Variants in PRKCE observed in about 807,000 individuals in gnomAD.
The protein encoded by PRKCE is protein kinase C epsilon, also known as protein kinase C epsilon type.
A neutral mutation model predicts 85.4 loss-of-function variants in PRKCE; 16 were observed. The observed-to-expected ratio is 0.19, with a 90% CI of 0.13 to 0.28. The LOEUF (loss-of-function observed/expected upper bound fraction) is 0.28, where lower values mean the gene tolerates loss of function less well. Among genes scored for constraint, PRKCE ranks in the 10% least tolerant of loss-of-function variants. The pLI, the probability that PRKCE is intolerant of heterozygous loss-of-function variation, is 1.00. For missense variants in PRKCE, 573 were observed against 975.2 expected, an observed-to-expected ratio of 0.59 and a Z score of 5.49; for synonymous variants, 388 against 371.5, an observed-to-expected ratio of 1.04 and a Z score of -0.51.
At chr2:45,864,207 CCCATTGG>C (rs1693398967) in intron 2 of PRKCE, among the ~76,000 whole-genome samples, 1 of 152,162 alleles carries the variant, frequency 6.6e-6, no homozygotes, top group South Asian at 2.1e-4. Context: ...CAACATCAGT[CCCATTGG>C]CCTAGGGGGC....
At chr2:46,071,385 G>A (rs1668070222) in intron 10 of PRKCE, among the ~76,000 whole-genome samples, 1 of 152,200 alleles carries the variant, frequency 6.6e-6, no homozygotes, top group Non-Finnish European at 1.5e-5. Context: ...TTTTTAAGGG[G>A]TAGGCAGCTA....
intron 11 of PRKCE, among the ~76,000 whole-genome samples, chr2:46,129,754 C>T (rs1674236319): frequency 6.6e-6 from 1 of 152,276 alleles, no homozygotes; most frequent in Non-Finnish European, 1.5e-5. Flanking sequence ...CAGCAAACTA[C>T]AGGGCCCAGG....
rs1677549044 is a variant in PRKCE at position 46,159,517 on chromosome 2, T to C, written c.1921-89T>C. 5.1e-6 allele frequency: 7 copies of C among 1,384,428 alleles called. No individual in the cohort carries two copies. The highest frequency in any genetic ancestry group is 2.6e-5 in the Admixed American group (1 of 38,066). The allele number at this position is 1,384,428 out of a possible 1,614,324, so 85.8% of individuals were successfully genotyped here. ...CAGACTTGGGAGGCGATGCTGAAGATGCTGCTTTGGCTGACCTCCATCTGT... is the reference window on the plus strand; with the variant it reads ...CAGACTTGGGAGGCGATGCTGAAGACGCTGCTTTGGCTGACCTCCATCTGT... On this transcript the variant is annotated intron_variant, in intron 13 of 14. Transcript: ENST00000306156. The surrounding 1 kb of genome is among the most constrained non-coding windows in gnomAD (Gnocchi z 4.1).
intron 2 of PRKCE, among the ~76,000 whole-genome samples, chr2:45,917,884 C>G (rs926486000): frequency 3.3e-5 from 5 of 150,018 alleles, no homozygotes; most frequent in African/African-American, 1.2e-4. Flanking sequence ...TGCTGGGGGA[C>G]CCAGTACACC....
intron 1 of PRKCE, among the ~76,000 whole-genome samples, chr2:45,829,844 C>T (rs1223715046): frequency 2.0e-5 from 3 of 151,742 alleles, no homozygotes; most frequent in South Asian, 2.1e-4. Flanking sequence ...GAGGCCGAGG[C>T]GGGCGGATCA....
At chr2:46,114,407 CTTTTTTTTTT>C (rs36107970) in intron 11 of PRKCE, among the ~76,000 whole-genome samples, 6 of 47,682 alleles carry the variant, frequency 1.3e-4, no homozygotes, top group South Asian at 1.3e-3. Context: ...GAGTCCAAGG[CTTTTTTTTTT>C]TTTTTTTTTT....
intron 11 of PRKCE, among the ~76,000 whole-genome samples, chr2:46,118,861 C>A (rs1054491027): frequency 6.6e-6 from 1 of 152,132 alleles, no homozygotes; most frequent in Non-Finnish European, 1.5e-5. Flanking sequence ...CTGGGAGCCT[C>A]CAAGAAAGCA....
intron 2 of PRKCE, among the ~76,000 whole-genome samples, chr2:45,929,831 G>A (rs1698903149): frequency 1.3e-5 from 2 of 151,140 alleles, no homozygotes; most frequent in African/African-American, 4.9e-5. Context: ...CCCTTTTAGT[G>A]CCATATTGTG....
intron 11 of PRKCE, among the ~76,000 whole-genome samples, chr2:46,133,242 G>C (rs1362776127): frequency 6.6e-6 from 1 of 152,192 alleles, no homozygotes; most frequent in Non-Finnish European, 1.5e-5. Context: ...AGCTGGAGTG[G>C]CCCTTTCTGT....
chr2:45,952,867 T>A (rs1022789944), intron 2 of PRKCE, among the ~76,000 whole-genome samples: 4 of 152,232 alleles, frequency 2.6e-5, no homozygotes, highest in Non-Finnish European at 5.9e-5. Context: ...GTGTCTCTTT[T>A]CAACGAGCTT....
chr2:46,005,691 G>A (rs780257898), intron 8 of PRKCE, among the ~76,000 whole-genome samples: 9 of 152,138 alleles, frequency 5.9e-5, no homozygotes, highest in Admixed American at 1.3e-4. Context: ...TTACCCAGGA[G>A]TAAATAAAAG....
chr2:45,742,246 T>C (rs1682641114), intron 1 of PRKCE, among the ~76,000 whole-genome samples: 1 of 151,838 alleles, frequency 6.6e-6, no homozygotes, highest in African/African-American at 2.4e-5. Flanking sequence ...GGAACTTACA[T>C]AACTCAATAG....
At chr2:45,968,727 TGAG>T (rs1360627727) in intron 2 of PRKCE, among the ~76,000 whole-genome samples, 1 of 152,154 alleles carries the variant, frequency 6.6e-6, no homozygotes, top group African/African-American at 2.4e-5. Context: ...TGACCCCACA[TGAG>T]GAGGGCGTTC....
chr2:45,955,077 GCAC>G (rs1700879518), intron 2 of PRKCE, among the ~76,000 whole-genome samples: 2 of 49,204 alleles, frequency 4.1e-5, no homozygotes, highest in Non-Finnish European at 9.4e-5. Context: ...ACTCCATCAC[GCAC>G]TCCATCAAGT....
At position 46,184,587 on chromosome 2, in the gene PRKCE, C is replaced by G; in HGVS notation, c.2068-148C>G. On this transcript the variant is annotated intron_variant, in intron 14 of 14. Transcript: ENST00000306156. This position sits in a 1 kb window ranked among gnomAD's most constrained non-coding sequence, Gnocchi z 5.0. Reference sequence around the variant, plus strand: ...GGGTCCTGGGGCCATCCATCGTTACCTCATCGGGACAGCCCCGTGTCTGCT... The same window carrying G: ...GGGTCCTGGGGCCATCCATCGTTACGTCATCGGGACAGCCCCGTGTCTGCT... 2.0e-6 allele frequency: 2 copies of G among 1,000,570 alleles called. No individual in the cohort carries two copies. Among genetic ancestry groups the G allele is most frequent in the Non-Finnish European group, 2.9e-6 (2 of 678,458 alleles). The allele number at this position is 1,000,570 out of a possible 1,614,324, so 62.0% of individuals were successfully genotyped here.
intron 1 of PRKCE, among the ~76,000 whole-genome samples, chr2:45,737,960 G>T (rs1349172874): frequency 6.6e-6 from 1 of 151,986 alleles, no homozygotes; most frequent in African/African-American, 2.4e-5. Flanking sequence ...TCCCTGGCTT[G>T]AACCCTTTGT....
intron 1 of PRKCE, among the ~76,000 whole-genome samples, chr2:45,707,840 C>T (rs1401936750): frequency 6.6e-6 from 1 of 152,188 alleles, no homozygotes; most frequent in African/African-American, 2.4e-5. Flanking sequence ...TCTGACTGTC[C>T]CCTTCTCCTT....
chr2:45,961,874 T>C (rs1340299017), intron 2 of PRKCE, among the ~76,000 whole-genome samples: 3 of 152,144 alleles, frequency 2.0e-5, no homozygotes, highest in Non-Finnish European at 4.4e-5. Flanking sequence ...TTTGTATTTT[T>C]AGTAGAGACG....
chr2:46,088,796 G>A (rs982238230), intron 11 of PRKCE, among the ~76,000 whole-genome samples: 2 of 152,140 alleles, frequency 1.3e-5, no homozygotes, highest in Non-Finnish European at 2.9e-5. Context: ...AATACAGTGA[G>A]TACAATCACC....
Sources: gnomAD v4.1 joint callset for allele counts (sites outside exome capture counted in the v4.1 genomes callset) on GRCh38, gnomAD v4.1.1 for gene constraint, Gnocchi (gnomAD v3.1) non-coding constraint, MANE v1.5 for transcripts, NCBI Gene and HGNC (gene_info 2026-07-23, HGNC 2026-07-21) for gene names.